The following KDM5A variants were observed in gnomAD, a reference collection of about 807,000 sequenced individuals.
The protein encoded by KDM5A is lysine demethylase 5A, also known as lysine-specific demethylase 5A.
A neutral mutation model predicts 193.5 loss-of-function variants in KDM5A; 42 were observed. That is an observed-to-expected ratio of 0.22 (90% CI 0.17 to 0.28). The LOEUF (loss-of-function observed/expected upper bound fraction) is 0.28, where lower values mean the gene tolerates loss of function less well. Ranked by LOEUF, KDM5A falls within the 10% of genes least tolerant of loss-of-function variation. The probability of loss-of-function intolerance (pLI) is 1.00; values close to 1 mark genes in which losing one functional copy is unlikely to be tolerated. For synonymous variants in KDM5A, 796 were observed against 718.1 expected (o/e 1.11, Z -1.73); for missense variants, 1,692 against 2,055.1 (o/e 0.82, Z 3.42).
At chr12:341,448 A>T (rs1944003650) in intron 10 of KDM5A, among the ~76,000 whole-genome samples, 1 of 151,986 alleles carries the variant, frequency 6.6e-6, no homozygotes, top group Non-Finnish European at 1.5e-5. Context: ...TAACTTTGTT[A>T]TCCTAACTTG....
chr12:299,087 T>C (rs1943408538), intron 24 of KDM5A, among the ~76,000 whole-genome samples: 1 of 151,448 alleles, frequency 6.6e-6, no homozygotes, highest in African/African-American at 2.4e-5. Flanking sequence ...GGTGTACCTG[T>C]GTGATGGAAG....
At chr12:374,726 CAT>C (rs1384813998) in intron 3 of KDM5A, among the ~76,000 whole-genome samples, 2 of 152,136 alleles carry the variant, frequency 1.3e-5, no homozygotes, top group Non-Finnish European at 2.9e-5. Context: ...TGTTCCTTTA[CAT>C]GTTTAGTGCT....
At position 313,061 on chromosome 12, in the gene KDM5A, T is replaced by C. The variant is rs1270014289; in HGVS notation, c.3031A>G (p.Ile1011Val). ...AREWTAKVEA[I>V]QSGSNYAYLE... ...TAATCCAAAAGTCTTCTTACCTGAA[T>C]AGCTTCCACTTTAGCGGTCCATTCT... The change falls in exon 20 of 28, where the codon ATT becomes GTT. Residue 1011 changes from isoleucine to valine, a missense_variant. Transcript: ENST00000399788. 6 of 1,614,050 alleles carry C rather than the reference T, an allele frequency of 3.7e-6. No individual in the cohort carries two copies. The highest frequency in any genetic ancestry group is 2.7e-5 in the African/African-American group (2 of 74,948).
intron 10 of KDM5A, among the ~76,000 whole-genome samples, chr12:347,193 T>A (rs1001460040): frequency 5.9e-5 from 9 of 151,998 alleles, no homozygotes; most frequent in Non-Finnish European, 1.3e-4. Flanking sequence ...CACCTAGGAA[T>A]CCAACTTACA....
At position 323,210 on chromosome 12, in the gene KDM5A, C is replaced by CAAAAAAAAAAGAAAAAAAAAAAAAA; in HGVS notation, c.2151-5_2151-4insTTTTTTTTTTTTTTCTTTTTTTTTT. On this transcript the variant is annotated splice_polypyrimidine_tract_variant and splice_region_variant and intron_variant, in intron 15 of 27. Transcript: ENST00000399788. ...GTCTTCTAATGGGTAGCGATATCTA[C>CAAAAAAAAAAGAAAAAAAAAAAAAA]AAAAAAAAAAAAAAAAAAAAAAAAA... is the stretch of plus-strand genomic sequence containing the variant. The CAAAAAAAAAAGAAAAAAAAAAAAAA allele has an allele frequency of 6.8e-6, 2 of 294,574 alleles. No homozygotes were observed. The highest frequency in any genetic ancestry group is 3.8e-5 in the South Asian group (1 of 26,462). 18.2% of individuals were successfully genotyped at this position (294,574 alleles called of 1,614,324 possible). A position where few individuals can be genotyped will look rare whatever the true frequency, so the allele number is the denominator to read the frequency against.
In KDM5A at chr12:311,049, C is replaced by A. The variant is rs994813080; in HGVS notation, c.3052G>T (p.Ala1018Ser). The change falls in exon 21 of 28, where the codon GCT (alanine) becomes TCT (serine). Residue 1018 changes from alanine to serine, a missense_variant. Transcript: ENST00000399788. ...AAGCTCTCAAGCTGCTCCAAATAAG[C>A]GTAATTGCTGCCACTCTGAAAAACC... ...VEAIQSGSNY[A>S]YLEQLESLSA... 1 of 1,613,972 alleles carries A rather than the reference C, an allele frequency of 6.2e-7. No homozygotes were observed. Among genetic ancestry groups the A allele is most frequent in the South Asian group, 1.1e-5 (1 of 91,084 alleles).
rs887960919 is a variant in KDM5A, at chr12:283,657, G to A, written c.*1799C>T. The A allele has an allele frequency of 3.0e-5, 7 of 232,958 alleles. No homozygotes were observed. The highest frequency in any genetic ancestry group is 1.5e-4 in the African/African-American group (7 of 45,250). 14.4% of individuals were successfully genotyped at this position (232,958 alleles called of 1,614,324 possible). ...AGAAGACAGTTCTTTAAAAGAGACT[G>A]GGGCAAAAAGGGAAGAGGAAACTAT... On this transcript the variant is annotated 3_prime_UTR_variant, in exon 28 of 28. Coordinates refer to ENST00000399788, the MANE Select transcript of KDM5A (RefSeq NM_001042603.3).
At position 363,045 on chromosome 12, in the gene KDM5A, A is replaced by G. The variant is rs1944311767; in HGVS notation, c.590T>C (p.Leu197Pro). 3.1e-6 allele frequency: 5 copies of G among 1,614,090 alleles called. No individual in the cohort carries two copies. The highest frequency in any genetic ancestry group is 4.2e-6 in the Non-Finnish European group (5 of 1,179,926). ...DLKEKVEPEV[L>P]STDTQTSPEP... ...TGGGGAAGTTTGGGTATCAGTGCTG[A>G]GAACCTCAGGCTCCACTTTTTCTTT... The change falls in exon 5 of 28, where the codon CTC becomes CCC. Residue 197 changes from leucine to proline, a missense_variant. Physicochemically the swap from Leu to Pro is moderately conservative, Grantham distance 98. Transcript: ENST00000399788.
intron 24 of KDM5A, among the ~76,000 whole-genome samples, chr12:304,495 T>G (rs921813629): frequency 6.9e-6 from 1 of 145,504 alleles, no homozygotes; most frequent in Admixed American, 7.1e-5. Flanking sequence ...TCAAAGTAAA[T>G]TGGCAGGGGT....
chr12:302,184 T>C (rs576202154), intron 24 of KDM5A, among the ~76,000 whole-genome samples: 1 of 152,284 alleles, frequency 6.6e-6, no homozygotes, highest in African/African-American at 2.4e-5. Context: ...TTGAATTTCA[T>C]ATGGAACCAA....
At chr12:296,216 G>A (rs1341942265) in intron 25 of KDM5A, among the ~76,000 whole-genome samples, 1 of 151,756 alleles carries the variant, frequency 6.6e-6, no homozygotes, top group Non-Finnish European at 1.5e-5. Flanking sequence ...AGCTACTCGG[G>A]AGGCTGAGGG....
intron 8 of KDM5A, among the ~76,000 whole-genome samples, chr12:353,475 T>C (rs1944188597): frequency 6.6e-6 from 1 of 152,220 alleles, no homozygotes; most frequent in South Asian, 2.1e-4. Flanking sequence ...TTTTTCTTCA[T>C]TTTTATTGTT....
intron 24 of KDM5A, among the ~76,000 whole-genome samples, chr12:298,691 T>C (rs1439428346): frequency 3.3e-5 from 5 of 151,862 alleles, no homozygotes; most frequent in African/African-American, 7.3e-5. Context: ...AACTGGATGG[T>C]GAATGAGTTT....
At chr12:348,169 A>G (rs1944102773) in intron 10 of KDM5A, among the ~76,000 whole-genome samples, 1 of 152,224 alleles carries the variant, frequency 6.6e-6, no homozygotes, top group Admixed American at 6.5e-5. Flanking sequence ...AAAAATGCTC[A>G]TCATCACTGG....
intron 24 of KDM5A, among the ~76,000 whole-genome samples, chr12:304,499 C>T (rs1484257871): frequency 7.2e-6 from 1 of 138,148 alleles, no homozygotes; most frequent in African/African-American, 2.8e-5. Context: ...AGTAAATTGG[C>T]AGGGGTATAT....
At chr12:384,837 A>G (rs1054940256) in intron 2 of KDM5A, among the ~76,000 whole-genome samples, 1 of 152,206 alleles carries the variant, frequency 6.6e-6, no homozygotes, top group African/African-American at 2.4e-5. Flanking sequence ...TCAACTCTAT[A>G]CCTCACTGAT....
intron 3 of KDM5A, among the ~76,000 whole-genome samples, chr12:379,461 A>G (rs1432858468): frequency 1.7e-5 from 1 of 59,240 alleles, no homozygotes; most frequent in Non-Finnish European, 3.0e-5. Context: ...GATGGCTACA[A>G]AACAGGTGTA....
chr12:344,631 A>C (rs1259261987), intron 10 of KDM5A, among the ~76,000 whole-genome samples: 1 of 152,220 alleles, frequency 6.6e-6, no homozygotes, highest in Non-Finnish European at 1.5e-5. Flanking sequence ...TAAAGAAAAG[A>C]ATTTTCAACT....
At position 322,411 on chromosome 12, in the gene KDM5A, G is replaced by GT. The variant is rs2137409268; in HGVS notation, c.2426+5dup. 1 of 1,610,734 alleles carries GT rather than the reference G, an allele frequency of 6.2e-7. No homozygotes were observed. Among genetic ancestry groups the GT allele is most frequent in the East Asian group, 2.2e-5 (1 of 44,876 alleles). ...CACTGGAGAATTAAACTCTTCTTAG[G>GT]TTTACCTGTGTTTCTGCTTTTTGCT... On this transcript the variant is annotated splice_donor_region_variant and intron_variant, in intron 17 of 27. Transcript: ENST00000399788.
Sources: allele counts gnomAD v4.1 joint callset (sites outside exome capture counted in the v4.1 genomes callset), GRCh38; gene constraint gnomAD v4.1.1; transcripts MANE v1.5; gene names NCBI Gene and HGNC (gene_info 2026-07-23, HGNC 2026-07-21).